Variants in ROBO1 observed in about 807,000 individuals in gnomAD.
The protein encoded by ROBO1 is roundabout guidance receptor 1.
ROBO1 carries 149 observed loss-of-function variants against 195.9 expected under a neutral mutation model. The observed-to-expected ratio is 0.76, with a 90% CI of 0.67 to 0.87. The LOEUF is 0.87. ROBO1 is among the 40% of genes least tolerant of loss of function. The pLI is 0.00. For synonymous variants in ROBO1, 816 were observed against 733.2 expected (o/e 1.11, Z -1.82); for missense variants, 1,933 against 2,068.3 (o/e 0.93, Z 1.27).
intron 1 of ROBO1, among the ~76,000 whole-genome samples, chr3:79,626,367 G>C (rs1313366342): frequency 6.6e-6 from 1 of 152,136 alleles, no homozygotes; most frequent in Non-Finnish European, 1.5e-5. Context: ...AACCCGGGAG[G>C]TGGAGCTTGC....
chr3:78,926,903 A>T (rs1404309519), intron 4 of ROBO1, among the ~76,000 whole-genome samples: 5 of 152,196 alleles, frequency 3.3e-5, no homozygotes, highest in Non-Finnish European at 5.9e-5. Context: ...CAATCTGGTT[A>T]AATGTCCTAA....
At chr3:78,602,393 G>C (rs754992752) in intron 29 of ROBO1, among the ~76,000 whole-genome samples, 1 of 152,086 alleles carries the variant, frequency 6.6e-6, no homozygotes, top group South Asian at 2.1e-4. Context: ...GAAGCCAAGC[G>C]GATGTCAACA....
At chr3:79,667,736 A>G (rs767976603) in intron 1 of ROBO1, among the ~76,000 whole-genome samples, 17 of 151,808 alleles carry the variant, frequency 1.1e-4, no homozygotes, top group Non-Finnish European at 2.1e-4. Context: ...CACTGTCATC[A>G]TATCATTGTG....
intron 1 of ROBO1, among the ~76,000 whole-genome samples, chr3:79,625,388 C>T (rs9881556): frequency 0.34 from 32,504 of 96,470 alleles, 5,196 homozygotes; most frequent in African/African-American, 0.51. Context: ...GAAAATCCCT[C>T]CAAAATATCA....
chr3:78,903,100 C>A (rs2107485112), intron 4 of ROBO1, among the ~76,000 whole-genome samples: 2 of 152,166 alleles, frequency 1.3e-5, no homozygotes, highest in South Asian at 2.1e-4. Context: ...AAACACAATT[C>A]TCTTCAAATA....
chr3:79,139,578 C>A (rs1287327946), intron 2 of ROBO1, among the ~76,000 whole-genome samples: 1 of 152,048 alleles, frequency 6.6e-6, no homozygotes, highest in Non-Finnish European at 1.5e-5. Flanking sequence ...GCCAATTGTC[C>A]GGTTGAGGTC....
intron 2 of ROBO1, among the ~76,000 whole-genome samples, chr3:79,507,446 G>A (rs1018761923): frequency 3.3e-5 from 5 of 152,124 alleles, no homozygotes; most frequent in African/African-American, 1.2e-4. Flanking sequence ...CATATCAAGA[G>A]GATGCAAATT....
chr3:78,718,430 C>T (rs1181598261), intron 5 of ROBO1, among the ~76,000 whole-genome samples: 1 of 151,978 alleles, frequency 6.6e-6, no homozygotes, highest in African/African-American at 2.4e-5. Flanking sequence ...TCCTTAAAAA[C>T]GTGATGTTGC....
At chr3:78,715,662 G>C (rs904644887) in intron 7 of ROBO1, among the ~76,000 whole-genome samples, 1 of 152,144 alleles carries the variant, frequency 6.6e-6, no homozygotes, top group African/African-American at 2.4e-5. Context: ...CTCCCGAGCA[G>C]CTGGGATTAT....
intron 1 of ROBO1, among the ~76,000 whole-genome samples, chr3:79,714,877 T>C (rs1309411357): frequency 1.4e-5 from 2 of 147,516 alleles, no homozygotes; most frequent in African/African-American, 2.5e-5. Context: ...AGGGATAGCA[T>C]TAGGAGATAT....
chr3:79,601,591 C>A (rs1308764233), intron 1 of ROBO1, among the ~76,000 whole-genome samples: 1 of 151,914 alleles, frequency 6.6e-6, no homozygotes, highest in African/African-American at 2.4e-5. Flanking sequence ...GACATGTATG[C>A]AACTGAACTA....
At chr3:79,556,629 T>C (rs981426332) in intron 2 of ROBO1, among the ~76,000 whole-genome samples, 3 of 151,984 alleles carry the variant, frequency 2.0e-5, no homozygotes, top group African/African-American at 7.2e-5. Flanking sequence ...ATTGTATATA[T>C]GTATTATATT....
rs985099386 is a variant in ROBO1 at position 79,328,358 on chromosome 3, C to T, written c.89-202819G>A. Reference sequence around the variant, plus strand: ...AGTTGGAAGCCTCAGTAAGAACATTCGCTAAATATCAATCTTGTTTTTCTT... The same window carrying T: ...AGTTGGAAGCCTCAGTAAGAACATTTGCTAAATATCAATCTTGTTTTTCTT... On this transcript the variant is annotated intron_variant, in intron 2 of 30. Coordinates refer to ENST00000464233, the MANE Select transcript of ROBO1 (RefSeq NM_002941.4). Among the ~76,000 whole-genome samples, 7 of 152,028 alleles carry T rather than the reference C, an allele frequency of 4.6e-5. No homozygotes were observed. In the East Asian group the frequency reaches 5.8e-4, roughly 13 times the overall value.
At chr3:78,920,054 G>A (rs1051781008) in intron 4 of ROBO1, among the ~76,000 whole-genome samples, 3 of 152,082 alleles carry the variant, frequency 2.0e-5, no homozygotes, top group Non-Finnish European at 4.4e-5. Flanking sequence ...GTGTGAATTC[G>A]GAAAACAAAT....
chr3:79,291,266 C>G (rs984532539), intron 2 of ROBO1, among the ~76,000 whole-genome samples: 2 of 152,140 alleles, frequency 1.3e-5, no homozygotes, highest in Non-Finnish European at 2.9e-5. Context: ...TAGAAACTTT[C>G]ATCATGTTGG....
chr3:79,485,621 C>A (rs74542880), intron 2 of ROBO1, among the ~76,000 whole-genome samples: 1 of 152,074 alleles, frequency 6.6e-6, no homozygotes, highest in Non-Finnish European at 1.5e-5. Context: ...CTGTTCTCAG[C>A]GCTTTAAAAT....
At chr3:79,436,600 T>C (rs1196218205) in intron 2 of ROBO1, among the ~76,000 whole-genome samples, 3 of 152,116 alleles carry the variant, frequency 2.0e-5, no homozygotes, top group African/African-American at 7.2e-5. Context: ...CTTTCTCACT[T>C]ACATATGGGC....
At chr3:79,671,357 A>ATG (rs1560087352) in intron 1 of ROBO1, among the ~76,000 whole-genome samples, 1 of 151,696 alleles carries the variant, frequency 6.6e-6, no homozygotes, top group Non-Finnish European at 1.5e-5. Flanking sequence ...TGAAAAATCC[A>ATG]GAGAAAACAA....
At chr3:79,136,346 G>T (rs1232716161) in intron 2 of ROBO1, among the ~76,000 whole-genome samples, 2 of 152,120 alleles carry the variant, frequency 1.3e-5, no homozygotes, top group Non-Finnish European at 2.9e-5. Context: ...AAACATAAAA[G>T]CTTCTTCCTT....
Sources: allele counts gnomAD v4.1 joint callset (sites outside exome capture counted in the v4.1 genomes callset), GRCh38; gene constraint gnomAD v4.1.1; transcripts MANE v1.5; gene names NCBI Gene and HGNC (gene_info 2026-07-23, HGNC 2026-07-21).